The following SYNE2 variants were observed in gnomAD, a reference collection of about 807,000 sequenced individuals.
The protein encoded by SYNE2 is spectrin repeat containing nuclear envelope protein 2, also known as nesprin-2.
In SYNE2, 431 loss-of-function variants were observed where a neutral mutation model predicts 856.3. That is an observed-to-expected ratio of 0.50 (90% CI 0.47 to 0.55). SYNE2 has a LOEUF of 0.55. Ranked by LOEUF, SYNE2 falls within the 20% of genes least tolerant of loss-of-function variation. The pLI is 0.00. For synonymous variants in SYNE2, 2,923 were observed against 2,872.3 expected (o/e 1.02, Z -0.56); for missense variants, 8,129 against 8,023.2 (o/e 1.01, Z -0.50).
chr14:64,088,794 T>C (rs982777459), intron 58 of SYNE2, among the ~76,000 whole-genome samples: 1 of 152,058 alleles, frequency 6.6e-6, no homozygotes, highest in African/African-American at 2.4e-5. Context: ...TTATTTACAT[T>C]TGTTACTCAG....
rs1454765361 is a variant in SYNE2, at chr14:64,145,456, C to T, written c.15484-612C>T. On this transcript the variant is annotated intron_variant, in intron 83 of 115. Coordinates refer to ENST00000555002, the MANE Select transcript of SYNE2 (RefSeq NM_182914.3). ...CCGGGAGGTGGAGGTTGCAGTGAGCCGAGATTGCACCATTGCACTCCAGCC... is the reference window on the plus strand; with the variant it reads ...CCGGGAGGTGGAGGTTGCAGTGAGCTGAGATTGCACCATTGCACTCCAGCC... Among the ~76,000 whole-genome samples, 5 of 146,572 alleles carry T rather than the reference C, an allele frequency of 3.4e-5. No individual in the cohort carries two copies. In the East Asian group the frequency reaches 1.0e-3, roughly 30 times the overall value.
At chr14:63,763,231 G>A (rs2139684461) in intron 1 of SYNE2, among the ~76,000 whole-genome samples, 1 of 152,290 alleles carries the variant, frequency 6.6e-6, no homozygotes, top group African/African-American at 2.4e-5. Context: ...GCCTCCCAAA[G>A]TGCTGGGATT....
rs943754979 is a variant in SYNE2 at position 64,122,579 on chromosome 14, A to G, written c.13422+152A>G. 24 of 964,558 alleles carry G rather than the reference A, an allele frequency of 2.5e-5. No individual in the cohort carries two copies. The African/African-American group carries it at 3.4e-4, about 14-fold the overall frequency. 59.7% of individuals were successfully genotyped at this position (964,558 alleles called of 1,614,324 possible). A position where few individuals can be genotyped will look rare whatever the true frequency, so the allele number is the denominator to read the frequency against. On this transcript the variant is annotated intron_variant, in intron 70 of 115. Transcript: ENST00000555002. ...CATTTTCTTGATCTTGGAAACCTGCATTAGGAACCCTTCCTTTGTGCTTCT... is the reference window on the plus strand; with the variant it reads ...CATTTTCTTGATCTTGGAAACCTGCGTTAGGAACCCTTCCTTTGTGCTTCT...
chr14:64,094,226 C>T (rs916872323), intron 61 of SYNE2, among the ~76,000 whole-genome samples: 11 of 151,668 alleles, frequency 7.3e-5, no homozygotes, highest in African/African-American at 2.4e-4. Context: ...CCCAGCTAGT[C>T]GGGAGGCTGA....
chr14:63,790,824 T>A (rs1374883546), intron 1 of SYNE2, among the ~76,000 whole-genome samples: 1 of 152,186 alleles, frequency 6.6e-6, no homozygotes, highest in East Asian at 1.9e-4. Flanking sequence ...ATTTTCCTCC[T>A]AATGGAAACT....
At chr14:63,923,491 C>T (rs1363339709) in intron 2 of SYNE2, among the ~76,000 whole-genome samples, 1 of 152,230 alleles carries the variant, frequency 6.6e-6, no homozygotes, top group African/African-American at 2.4e-5. Context: ...CCCTCCTTCC[C>T]TAGCCATTTA....
At chr14:64,021,612 A>AG (rs1234895197) in intron 36 of SYNE2, 97 bp downstream of exon 36, 21 of 1,483,196 alleles carry the variant, frequency 1.4e-5, no homozygotes, top group Non-Finnish European at 1.8e-5. Flanking sequence ...AGAAAAAAAA[A>AG]GTCGAAGAAG....
chr14:63,987,925 T>TA (rs142653339), intron 19 of SYNE2, among the ~76,000 whole-genome samples: 3,000 of 152,300 alleles, frequency 0.02, 105 homozygotes, highest in African/African-American at 0.069. Context: ...GATAATGAGA[T>TA]AATGTAATCT....
chr14:64,179,400 C>T (rs904583707), intron 96 of SYNE2, among the ~76,000 whole-genome samples: 27 of 152,206 alleles, frequency 1.8e-4, no homozygotes, highest in Admixed American at 1.7e-3. Flanking sequence ...CTCGGCCTCC[C>T]AAAGTGCTGG....
intron 30 of SYNE2, among the ~76,000 whole-genome samples, chr14:64,003,632 G>A (rs1243676158): frequency 6.6e-6 from 1 of 152,168 alleles, no homozygotes; most frequent in Non-Finnish European, 1.5e-5. Flanking sequence ...TTGTCCTTCT[G>A]TGTGTTTACT....
intron 13 of SYNE2, 55 bp downstream of exon 13, chr14:63,978,072 C>CGTT: frequency 8.8e-7 from 1 of 1,134,284 alleles, no homozygotes; most frequent in East Asian, 2.4e-5. Flanking sequence ...TGAGTAACAA[C>CGTT]TGATACTACA....
chr14:64,037,354 A>C (rs1356126521), intron 45 of SYNE2, among the ~76,000 whole-genome samples: 2 of 150,760 alleles, frequency 1.3e-5, no homozygotes, highest in East Asian at 3.9e-4. Flanking sequence ...TGCTGCCTTC[A>C]AGTATCTGTT....
intron 1 of SYNE2, among the ~76,000 whole-genome samples, chr14:63,904,959 A>G (rs1489788335): frequency 6.6e-6 from 1 of 152,054 alleles, no homozygotes; most frequent in East Asian, 1.9e-4. Context: ...TAAATCTTTT[A>G]TCTATGTTGA....
intron 60 of SYNE2, among the ~76,000 whole-genome samples, chr14:64,092,496 C>T (rs1160293562): frequency 1.3e-5 from 2 of 152,150 alleles, no homozygotes; most frequent in Non-Finnish European, 2.9e-5. Context: ...GGCTGGGGAA[C>T]AGATGTGCAC....
chr14:64,029,887 A>C lies in SYNE2; in HGVS notation c.6715-8A>C. The C allele has an allele frequency of 6.2e-7, 1 of 1,612,702 alleles. No homozygotes were observed. Among genetic ancestry groups the C allele is most frequent in the Non-Finnish European group, 8.5e-7 (1 of 1,179,266 alleles). Reference sequence around the variant, plus strand: ...TAATTTGTAAATTGTCTGTGGCTTTATTTTTAGGATTCTGTGCAAAACTTG... The same window carrying C: ...TAATTTGTAAATTGTCTGTGGCTTTCTTTTTAGGATTCTGTGCAAAACTTG... On this transcript the variant is annotated splice_polypyrimidine_tract_variant and splice_region_variant and intron_variant, in intron 43 of 115. Coordinates refer to ENST00000555002, the MANE Select transcript of SYNE2 (RefSeq NM_182914.3).
chr14:63,992,386 CCTGCCTCAGCCT>C (rs1346073252), intron 21 of SYNE2, among the ~76,000 whole-genome samples: 3 of 152,270 alleles, frequency 2.0e-5, no homozygotes, highest in Admixed American at 2.0e-4. Context: ...AAGCTATCCT[CCTGCCTCAGCCT>C]CCAAGTAGCT....
At chr14:63,857,048 C>CA (rs1299724530) in intron 1 of SYNE2, among the ~76,000 whole-genome samples, 2 of 152,154 alleles carry the variant, frequency 1.3e-5, no homozygotes, top group African/African-American at 2.4e-5. Context: ...GGATTACAGG[C>CA]ATGAGTCTGC....
intron 90 of SYNE2, 174 bp from the exon 91 acceptor site, chr14:64,167,059 T>C: frequency 1.4e-6 from 1 of 726,740 alleles, no homozygotes; most frequent in South Asian, 1.8e-5. Flanking sequence ...AGGCACAGCA[T>C]TGAGATAGCT....
At chr14:63,952,387 A>G (rs1292205612) in intron 7 of SYNE2, among the ~76,000 whole-genome samples, 1 of 152,228 alleles carries the variant, frequency 6.6e-6, no homozygotes, top group Non-Finnish European at 1.5e-5. Context: ...AGCTTTTGCC[A>G]TTACTTTTAA....
Sources: gnomAD v4.1 joint callset for allele counts (sites outside exome capture counted in the v4.1 genomes callset) on GRCh38, gnomAD v4.1.1 for gene constraint, MANE v1.5 for transcripts, NCBI Gene and HGNC (gene_info 2026-07-23, HGNC 2026-07-21) for gene names.